RNLS: variants seen among roughly 807,000 people sequenced by gnomAD.
RNLS encodes renalase.
A neutral mutation model predicts 39.8 loss-of-function variants in RNLS; 39 were observed. The observed-to-expected ratio is 0.98, with a 90% CI of 0.76 to 1.28. RNLS has a LOEUF of 1.28. Ranked by LOEUF, RNLS falls within the 50% of genes most tolerant of loss-of-function variation. The pLI is 0.00. For missense variants in RNLS, 410 were observed against 413.3 expected (o/e 0.99, Z 0.07); for synonymous variants, 147 against 150.7 (o/e 0.98, Z 0.18).
At chr10:88,533,250 T>C (rs184559046) in intron 4 of RNLS, among the ~76,000 whole-genome samples, 14 of 152,240 alleles carry the variant, frequency 9.2e-5, no homozygotes, top group Admixed American at 9.2e-4. Context: ...GCCTTTTCTT[T>C]AGTACAAATC....
At chr10:88,473,640 G>A (rs1461889645) in intron 4 of RNLS, among the ~76,000 whole-genome samples, 1 of 152,128 alleles carries the variant, frequency 6.6e-6, no homozygotes, top group Non-Finnish European at 1.5e-5. Context: ...ATTTATTTTA[G>A]AAAGAAGCAC....
At chr10:88,323,475 C>T (rs1408348577) in intron 5 of RNLS, among the ~76,000 whole-genome samples, 1 of 151,924 alleles carries the variant, frequency 6.6e-6, no homozygotes, top group African/African-American at 2.4e-5. Flanking sequence ...CTGATATTGA[C>T]AAAGTCAATA....
At chr10:88,291,822 G>A (rs895601608) in intron 6 of RNLS, among the ~76,000 whole-genome samples, 17 of 152,046 alleles carry the variant, frequency 1.1e-4, no homozygotes, top group African/African-American at 2.7e-4. Flanking sequence ...TCTAGATGCC[G>A]CTGCAAACCC....
chr10:88,240,211 C>T, the RNLS span, among the ~76,000 whole-genome samples: 1 of 152,136 alleles, frequency 6.6e-6, no homozygotes, highest in Non-Finnish European at 1.5e-5. Context: ...TTCTGTGATT[C>T]TGGCTATCCA....
intron 4 of RNLS, among the ~76,000 whole-genome samples, chr10:88,471,355 T>G (rs1241019342): frequency 6.6e-6 from 1 of 152,168 alleles, no homozygotes; most frequent in Non-Finnish European, 1.5e-5. Context: ...AAAGTGGAAC[T>G]GCTAGGTCAA....
rs10887800 is a variant in RNLS, at chr10:88,316,086, A to G, written c.701-1445T>C. ...GAGAAGAGAGTCCCAACATGCTGCA[A>G]ACTTTTTAAAGTGAAGTGAATGCTT... On this transcript the variant is annotated intron_variant, in intron 5 of 6. Transcript: ENST00000331772. 0.45 allele frequency among the ~76,000 whole-genome samples: 68,248 copies of G among 151,996 alleles called. 15,888 individuals carry two copies. Among genetic ancestry groups the G allele is most frequent in the South Asian group, 0.59 (2,824 of 4,826 alleles).
At chr10:88,255,943 G>A in the RNLS span, among the ~76,000 whole-genome samples, 13 of 152,294 alleles carry the variant, frequency 8.5e-5, no homozygotes, top group Middle Eastern at 3.4e-3. Context: ...GTGGCAAACA[G>A]GAATCAAGAA....
intron 4 of RNLS, among the ~76,000 whole-genome samples, chr10:88,446,007 A>G (rs1842011583): frequency 6.6e-6 from 1 of 152,250 alleles, no homozygotes; most frequent in Admixed American, 6.5e-5. Flanking sequence ...TCAACAGAAT[A>G]TACATTCTTC....
At chr10:88,202,090 C>T in the RNLS span, among the ~76,000 whole-genome samples, 1 of 151,974 alleles carries the variant, frequency 6.6e-6, no homozygotes, top group Non-Finnish European at 1.5e-5. Flanking sequence ...AAATGTGGCA[C>T]ATATACACCA....
rs1843162151 is a variant in RNLS, at chr10:88,284,878, C to T, written c.*476G>A. The T allele has an allele frequency of 1.0e-6, 1 of 985,592 alleles. No individual in the cohort carries two copies. The highest frequency in any genetic ancestry group is 1.2e-6 in the Non-Finnish European group (1 of 830,104). The allele number at this position is 985,592 out of a possible 1,614,324, so 61.1% of individuals were successfully genotyped here. On this transcript the variant is annotated 3_prime_UTR_variant, in exon 7 of 7. Coordinates refer to ENST00000331772, the MANE Select transcript of RNLS (RefSeq NM_001031709.3). Reference sequence around the variant, plus strand: ...GGATAAATGAGAAATAAGAATTACACTCTGTTACCTACATTTTGGAAAAAT... The same window carrying T: ...GGATAAATGAGAAATAAGAATTACATTCTGTTACCTACATTTTGGAAAAAT...
the RNLS span, among the ~76,000 whole-genome samples, chr10:88,194,376 G>T: frequency 5.3e-5 from 8 of 152,202 alleles, no homozygotes. Flanking sequence ...TGGTTCAAAA[G>T]CACTGGTCTA....
chr10:88,426,539 A>T (rs1344340850), intron 4 of RNLS, among the ~76,000 whole-genome samples: 4 of 152,058 alleles, frequency 2.6e-5, no homozygotes, highest in Non-Finnish European at 5.9e-5. Context: ...TGTTTTTAGA[A>T]GAGAAAAAAG....
At chr10:88,470,999 T>C (rs1412883443) in intron 4 of RNLS, among the ~76,000 whole-genome samples, 4 of 152,186 alleles carry the variant, frequency 2.6e-5, no homozygotes, top group African/African-American at 9.7e-5. Context: ...TCATTAACAC[T>C]GCCTGGTATA....
intron 4 of RNLS, among the ~76,000 whole-genome samples, chr10:88,558,016 G>C (rs1701108726): frequency 6.6e-6 from 1 of 152,116 alleles, no homozygotes; most frequent in Non-Finnish European, 1.5e-5. Context: ...CAGCATTAAG[G>C]GGGAAACTTT....
chr10:88,187,012 A>C, the RNLS span, among the ~76,000 whole-genome samples: 1 of 151,260 alleles, frequency 6.6e-6, no homozygotes. Flanking sequence ...AACACTGAGC[A>C]CTCAAATCTC....
At chr10:88,488,856 G>T (rs1844726562) in intron 4 of RNLS, among the ~76,000 whole-genome samples, 3 of 152,146 alleles carry the variant, frequency 2.0e-5, no homozygotes, top group African/African-American at 4.8e-5. Context: ...TGGCAAAGCT[G>T]CCAACATTTA....
downstream of RNLS, among the ~76,000 whole-genome samples, chr10:88,270,316 T>G (rs1842615448): frequency 6.6e-6 from 1 of 152,176 alleles, no homozygotes; most frequent in Admixed American, 6.5e-5. Flanking sequence ...CATCAGGTGG[T>G]GTCTCCTGGC....
intron 3 of RNLS, among the ~76,000 whole-genome samples, chr10:88,574,414 C>T (rs1399630001): frequency 2.6e-5 from 4 of 152,214 alleles, no homozygotes; most frequent in Non-Finnish European, 4.4e-5. Context: ...TCTGTAGCCA[C>T]TCCAGCTCAG....
intron 2 of RNLS, 65 bp downstream of exon 2, chr10:88,582,137 T>A: frequency 7.8e-7 from 1 of 1,281,738 alleles, no homozygotes; most frequent in Non-Finnish European, 1.1e-6. Context: ...TAATCTAATC[T>A]TCACAACAAC....
Sources: gnomAD v4.1 joint callset for allele counts (sites outside exome capture counted in the v4.1 genomes callset) on GRCh38, gnomAD v4.1.1 for gene constraint, MANE v1.5 for transcripts, NCBI Gene and HGNC (gene_info 2026-07-23, HGNC 2026-07-21) for gene names.